The following HAL variants were observed in gnomAD, a reference collection of about 807,000 sequenced individuals.
HAL encodes the protein histidine ammonia-lyase.
In HAL, 85 loss-of-function variants were observed where a neutral mutation model predicts 81.1. That is an observed-to-expected ratio of 1.05 (90% confidence interval 0.88 to 1.25). The LOEUF (loss-of-function observed/expected upper bound fraction) is 1.25. Among genes scored for constraint, HAL ranks in the 50% most tolerant of loss-of-function variants. HAL has a pLI of 0.00. For synonymous variants in HAL, 301 were observed against 309.2 expected (o/e 0.97, Z 0.28); for missense variants, 798 against 836.6 (o/e 0.95, Z 0.57).
rs78926773 is a variant in HAL, at chr12:95,986,981, C to T, written c.1051+86G>A. The T allele has an allele frequency of 3.0e-3, 3,427 of 1,159,578 alleles. 70 individuals are homozygous for T. In the African/African-American group the frequency reaches 0.046, roughly 16 times the overall value. The allele number at this position is 1,159,578 out of a possible 1,614,324, so 71.8% of individuals were successfully genotyped here. On this transcript the variant is annotated intron_variant, in intron 12 of 20. Transcript: ENST00000261208. ...TCTCCTTCCCTACTACCTGCCCCCA[C>T]CACTTCTGTGTCTAAAGATCTCAGC...
rs535369415 is a variant in HAL at position 95,977,331 on chromosome 12, G to A, written c.1654+613C>T. Among the ~76,000 whole-genome samples, 3 of 151,826 alleles carry A rather than the reference G, an allele frequency of 2.0e-5. No homozygotes were observed. The South Asian group carries it at 6.3e-4, about 32-fold the overall frequency. ...ATGTGCTGTTGAATCAAGGTGGGGT[G>A]TGAGAGTTCATGGTACTCTTCTCTC... is the stretch of plus-strand genomic sequence containing the variant. On this transcript the variant is annotated intron_variant, in intron 18 of 20. Coordinates refer to ENST00000261208, the MANE Select transcript of HAL (RefSeq NM_002108.4).
At chr12:95,992,589 A>G (rs1013545738) in intron 9 of HAL, 91 bp downstream of exon 9, 4 of 1,150,944 alleles carry the variant, frequency 3.5e-6, no homozygotes, top group Non-Finnish European at 5.2e-6. Context: ...ATGTCTTCTC[A>G]GGTGATTCCT....
At chr12:95,988,376 T>A (rs182595744) in intron 10 of HAL, 136 bp from the exon 11 acceptor site, 40 of 690,818 alleles carry the variant, frequency 5.8e-5, no homozygotes, top group African/African-American at 4.8e-4. Flanking sequence ...AGGAACTGGC[T>A]GTATTCATGT....
At chr12:95,991,827 T>C (rs1949973863) in intron 9 of HAL, among the ~76,000 whole-genome samples, 1 of 152,184 alleles carries the variant, frequency 6.6e-6, no homozygotes, top group Admixed American at 6.5e-5. Flanking sequence ...AAATAGGTGT[T>C]GGAATCACTA....
At chr12:95,994,044 G>T (rs760075863) in intron 5 of HAL, 46 bp from the exon 6 acceptor site, 1 of 1,594,024 alleles carries the variant, frequency 6.3e-7, no homozygotes, top group Non-Finnish European at 8.6e-7. Context: ...GACTTCCACG[G>T]GCAACAAAAA....
chr12:95,993,706 CT>C (rs920905446), intron 7 of HAL, 65 bp downstream of exon 7: 5 of 987,888 alleles, frequency 5.1e-6, no homozygotes, highest in Non-Finnish European at 6.5e-6. Context: ...AATTATTTCC[CT>C]TGTTGAAAAA....
Position 95,992,695 on chromosome 12 carries a change from T to A in HAL, c.700A>T (p.Ile234Leu), listed in dbSNP as rs1309941279. 6.2e-7 allele frequency: 1 copy of A among 1,612,418 alleles called. No homozygotes were observed. The highest frequency in any genetic ancestry group is 1.7e-5 in the Admixed American group (1 of 60,000). Residue 234 changes from isoleucine to leucine, a missense_variant, in exon 9 of 21, where the codon ATA becomes TTA. Transcript: ENST00000261208. ...ATTGCATTACCATTAAACATTTCTATGACTTGTTTGAGGGTCTCCAGGGAA... is the reference window on the plus strand; with the variant it reads ...ATTGCATTACCATTAAACATTTCTAAGACTTGTTTGAGGGTCTCCAGGGAA... The part of the protein sequence containing the change: ...GISLETLKQV[I>L]EMFNASCLPY...
At chr12:95,994,887 A>C in intron 3 of HAL, 46 bp downstream of exon 3, 1 of 1,607,528 alleles carries the variant, frequency 6.2e-7, no homozygotes, top group Non-Finnish European at 8.5e-7. Flanking sequence ...CACCATCTGC[A>C]GGAGCCACCC....
At position 95,992,960 on chromosome 12, in the gene HAL, C is replaced by A. The variant is rs1190076884; in HGVS notation, c.590-155G>T. Among the ~76,000 whole-genome samples, 6 of 152,198 alleles carry A rather than the reference C, an allele frequency of 3.9e-5. No homozygotes were observed. The East Asian group carries it at 1.2e-3, about 29-fold the overall frequency. On this transcript the variant is annotated intron_variant, in intron 8 of 20. Transcript: ENST00000261208. ...GTAGTTGGACTACTCTCCCTCCTGC[C>A]TGTCTGACTTGTCTGAGCCCCATCT... is the stretch of plus-strand genomic sequence containing the variant.
intron 12 of HAL, among the ~76,000 whole-genome samples, chr12:95,986,838 C>G (rs1322075484): frequency 6.6e-6 from 1 of 152,092 alleles, no homozygotes; most frequent in Admixed American, 6.5e-5. Context: ...TGCTCTCAGG[C>G]AAGTCACTCA....
chr12:95,978,124 G>A (rs2080746383), intron 17 of HAL, 46 bp from the exon 18 acceptor site: 1 of 1,536,892 alleles, frequency 6.5e-7, no homozygotes, highest in Non-Finnish European at 9.0e-7. Flanking sequence ...CACAGGATGA[G>A]CTGTCTAAAG....
rs767096689 is a variant in HAL, at chr12:95,995,740, C to T, written c.171G>A (p.Arg57=). 2 of 1,613,690 alleles carry T rather than the reference C, an allele frequency of 1.2e-6. No homozygotes were observed. The highest frequency in any genetic ancestry group is 2.7e-5 in the African/African-American group (2 of 74,958). ...SVDDAHFLVR[R]CKGLGLLDNE... ...TGTCCAGCAGGCCCAGGCCCTTGCA[C>T]CGGCGCACAAGGAAGTGCGCGTCAT... Residue 57 remains arginine, a synonymous_variant, in exon 2 of 21, where the codon CGG becomes CGA. Coordinates refer to ENST00000261208, the MANE Select transcript of HAL (RefSeq NM_002108.4).
intron 8 of HAL, among the ~76,000 whole-genome samples, chr12:95,993,130 G>A (rs1307411408): frequency 6.6e-6 from 1 of 152,112 alleles, no homozygotes; most frequent in Non-Finnish European, 1.5e-5. Flanking sequence ...GGTGCTGATT[G>A]GTGACAGTCT....
At chr12:95,991,439 A>G (rs1463564172) in intron 9 of HAL, among the ~76,000 whole-genome samples, 1 of 152,232 alleles carries the variant, frequency 6.6e-6, no homozygotes, top group Non-Finnish European at 1.5e-5. Flanking sequence ...CCAAAGCATT[A>G]ACAAGGTTTC....
At chr12:95,979,274 C>T (rs2080763274) in intron 17 of HAL, among the ~76,000 whole-genome samples, 1 of 152,114 alleles carries the variant, frequency 6.6e-6, no homozygotes, top group African/African-American at 2.4e-5. Flanking sequence ...TATTAATAAG[C>T]AAGTAAGCAA....
intron 15 of HAL, 198 bp downstream of exon 15, chr12:95,983,713 G>A (rs865989290): frequency 5.6e-5 from 34 of 609,808 alleles, no homozygotes; most frequent in Middle Eastern, 4.3e-4. Flanking sequence ...CTGAGAGTAA[G>A]TTCACAGGTC....
intron 20 of HAL, among the ~76,000 whole-genome samples, chr12:95,974,728 C>T (rs916779965): frequency 6.6e-6 from 1 of 151,568 alleles, no homozygotes; most frequent in Admixed American, 6.6e-5. Flanking sequence ...TGGTTTTTTT[C>T]TTGTTTTTTT....
At chr12:95,994,899 CAGAGCAGACCAA>C (rs1457188682) in intron 3 of HAL, 22 bp downstream of exon 3, 12 of 1,608,332 alleles carry the variant, frequency 7.5e-6, no homozygotes, top group South Asian at 1.1e-5. Flanking sequence ...GAGCCACCCC[CAGAGCAGACCAA>C]AGAGCCTGTG....
intron 10 of HAL, chr12:95,989,978 G>A: frequency 3.8e-6 from 1 of 263,428 alleles, no homozygotes; most frequent in Non-Finnish European, 7.5e-6. Flanking sequence ...AGCCACTAGG[G>A]TAAGAGCTTA....
Sources: allele counts gnomAD v4.1 joint callset (sites outside exome capture counted in the v4.1 genomes callset), GRCh38; gene constraint gnomAD v4.1.1; transcripts MANE v1.5; gene names NCBI Gene and HGNC (gene_info 2026-07-23, HGNC 2026-07-21).